The following ABTB1 variants were observed in gnomAD, a reference collection of about 807,000 sequenced individuals.
ABTB1 encodes the protein ankyrin repeat and BTB/POZ domain-containing protein 1.
In ABTB1, 45 loss-of-function variants were observed where a neutral mutation model predicts 57.1. That is an observed-to-expected ratio of 0.79 (90% CI 0.62 to 1.01). The LOEUF is 1.01. ABTB1 is among the 50% of genes least tolerant of loss of function. ABTB1 has a pLI of 0.00. For synonymous variants in ABTB1, 302 were observed against 275.4 expected (o/e 1.10, Z -0.95); for missense variants, 630 against 666.3 (o/e 0.95, Z 0.60).
At position 127,673,031 on chromosome 3, in the gene ABTB1, C is replaced by A; in HGVS notation, c.6C>A (p.Asp2Glu). 6.4e-7 allele frequency: 1 copy of A among 1,570,856 alleles called. No homozygotes were observed. Residue 2 changes from aspartate to glutamate, a missense_variant, in exon 1 of 12, where the codon GAC (aspartate) becomes GAA (glutamate). Physicochemically the swap from Asp to Glu is conservative, Grantham distance 45. Transcript: ENST00000232744. MDTSDLFASCRK... is the reference protein window; with the variant it reads METSDLFASCRK... ...CGGGTACCATCCTCCGCGCCATGGA[C>A]ACCAGCGACCTGTTCGCCAGCTGCA...
At chr3:127,675,872 C>A in intron 3 of ABTB1, 98 bp from the exon 4 acceptor site, 2 of 1,487,702 alleles carry the variant, frequency 1.3e-6, no homozygotes, top group African/African-American at 1.4e-5. Flanking sequence ...GCCAGAGATT[C>A]GGAGCCCCAT....
At chr3:127,673,462 G>A (rs1009038673) in intron 1 of ABTB1, 6 of 165,930 alleles carry the variant, frequency 3.6e-5, no homozygotes, top group Non-Finnish European at 7.8e-5. Flanking sequence ...CCTTTCTCTC[G>A]TGCTCTCTGG....
At chr3:127,675,842 G>A in intron 3 of ABTB1, 128 bp from the exon 4 acceptor site, 1 of 1,306,692 alleles carries the variant, frequency 7.7e-7, no homozygotes. Context: ...AGTGGGCCCA[G>A]GGTAATTTGG....
chr3:127,676,691 C>T lies in ABTB1; in HGVS notation c.526+110C>T. The T allele has an allele frequency of 7.0e-7, 1 of 1,423,050 alleles. No homozygotes were observed. The highest frequency in any genetic ancestry group is 1.4e-5 in the African/African-American group (1 of 70,658). 88.2% of individuals were successfully genotyped at this position (1,423,050 alleles called of 1,614,324 possible). On this transcript the variant is annotated intron_variant, in intron 6 of 11. Transcript: ENST00000232744. The surrounding 1 kb of genome is among the most constrained non-coding windows in gnomAD (Gnocchi z 5.4). ...TTTCACCTCTAGACACTTCATGGTC[C>T]CCCCGGGGTGGTTCCAGCTGCCTCT... is the stretch of plus-strand genomic sequence containing the variant.
intron 3 of ABTB1, among the ~76,000 whole-genome samples, chr3:127,675,249 C>T (rs1423101649): frequency 6.6e-6 from 1 of 150,672 alleles, no homozygotes; most frequent in East Asian, 1.9e-4. Context: ...ATTCTTCTTC[C>T]TATTTTGGTT....
intron 3 of ABTB1, chr3:127,675,723 C>G: frequency 7.1e-6 from 4 of 563,462 alleles, no homozygotes; most frequent in Non-Finnish European, 1.3e-5. Context: ...ACCAAGTCAG[C>G]TCTCCGTTCT....
At position 127,680,819 on chromosome 3, in the gene ABTB1, T is replaced by A. The variant is rs2075118312; in HGVS notation, c.*344T>A. 9.3e-6 allele frequency: 6 copies of A among 642,254 alleles called. No homozygotes were observed. In the South Asian group the frequency reaches 1.1e-4, roughly 12 times the overall value. The allele number at this position is 642,254 out of a possible 1,614,324, so 39.8% of individuals were successfully genotyped here. ...CAAATCCAGTCCTCTGGCCCTTGCCTAGCCCTGAATTGCTTCTCTAAGCTG... is the reference window on the plus strand; with the variant it reads ...CAAATCCAGTCCTCTGGCCCTTGCCAAGCCCTGAATTGCTTCTCTAAGCTG... On this transcript the variant is annotated 3_prime_UTR_variant, in exon 12 of 12. Coordinates refer to ENST00000232744, the MANE Select transcript of ABTB1 (RefSeq NM_172027.3).
In ABTB1 at chr3:127,677,749, C is replaced by A; in HGVS notation, c.935C>A (p.Ala312Glu). 1 of 1,610,990 alleles carries A rather than the reference C, an allele frequency of 6.2e-7. No homozygotes were observed. Among genetic ancestry groups the A allele is most frequent in the East Asian group, 2.2e-5 (1 of 44,820 alleles). Residue 312 changes from alanine to glutamate, a missense_variant, in exon 10 of 12, where the codon GCG becomes GAG. Around this residue, in one of 3 missense-constraint regions of ABTB1, gnomAD observed 579 missense variants for 585.9 expected, o/e 0.99. Transcript: ENST00000232744. ...CACTTCCGAGAGAGCGAGGAGCCAG[C>A]GACCTCAGGGGGCCCCCCAGCCGTC... ...DDHFRESEEP[A>E]TSGGPPAVTL...
At position 127,673,017 on chromosome 3, in the gene ABTB1, C is replaced by T. The variant is rs757473818; in HGVS notation, c.-9C>T. On this transcript the variant is annotated 5_prime_UTR_variant, in exon 1 of 12. Transcript: ENST00000232744. ...GAGGTCGTTCGGCTCGGGTACCATC[C>T]TCCGCGCCATGGACACCAGCGACCT... The T allele has an allele frequency of 6.4e-6, 10 of 1,564,028 alleles. No homozygotes were observed. Among genetic ancestry groups the T allele is most frequent in the South Asian group, 3.5e-5 (3 of 86,044 alleles).
intron 10 of ABTB1, chr3:127,679,607 G>GGAC: frequency 2.1e-6 from 1 of 477,178 alleles, no homozygotes; most frequent in Non-Finnish European, 4.1e-6. Context: ...TATACCTCAT[G>GGAC]GACTGGGAAC....
intron 11 of ABTB1, 26 bp downstream of exon 11, chr3:127,680,211 G>A: frequency 1.2e-6 from 2 of 1,613,332 alleles, no homozygotes; most frequent in Non-Finnish European, 1.7e-6. Context: ...GCAGTGGGTG[G>A]GAAGGAGGGG....
intron 10 of ABTB1, chr3:127,678,597 G>C (rs1204275965): frequency 6.6e-6 from 1 of 152,340 alleles, no homozygotes; most frequent in Non-Finnish European, 1.5e-5. Context: ...ACAGAGATGA[G>C]TGGGTGAGGC....
Position 127,676,338 on chromosome 3 carries a change from T to TCGCTGCGTCCTGGGTGCAC in ABTB1, c.388_406dup (p.Arg136ProfsTer8). On this transcript the variant is annotated frameshift_variant, in exon 5 of 12. Coordinates refer to ENST00000232744, the MANE Select transcript of ABTB1 (RefSeq NM_172027.3). LOFTEE classifies it high-confidence loss of function. This position sits in a 1 kb window ranked among gnomAD's most constrained non-coding sequence, Gnocchi z 5.4. ...TACACGGGAAGCCATTCCGGGTGCA[T>TCGCTGCGTCCTGGGTGCAC]CGCTGCGTCCTGGGTGCACGTAGTG... 6.2e-7 allele frequency: 1 copy of TCGCTGCGTCCTGGGTGCAC among 1,614,106 alleles called. No individual in the cohort carries two copies. The highest frequency in any genetic ancestry group is 8.5e-7 in the Non-Finnish European group (1 of 1,179,996).
In ABTB1 at chr3:127,680,101, G is replaced by A. The variant is rs1363882349; in HGVS notation, c.1146G>A (p.Val382=). Residue 382 remains valine, a synonymous_variant, in exon 11 of 12, where the codon GTG becomes GTA. Transcript: ENST00000232744. ...AGATGCTAGACGAGGACACTGTGGT[G>A]GGTGTGTGGCGCGTGGCCAAGCTCT... The part of the protein sequence containing the change: ...LAQMLDEDTV[V]GVWRVAKLFR... The A allele has an allele frequency of 6.2e-7, 1 of 1,613,808 alleles. No homozygotes were observed. The highest frequency in any genetic ancestry group is 8.5e-7 in the Non-Finnish European group (1 of 1,180,044).
At chr3:127,674,125 G>A (rs1034835512) in intron 1 of ABTB1, 2 of 517,248 alleles carry the variant, frequency 3.9e-6, no homozygotes, top group African/African-American at 3.8e-5. Flanking sequence ...TCCAGCCTCG[G>A]CACTGGCTCT....
Position 127,676,688 on chromosome 3 carries a change from G to T in ABTB1, c.526+107G>T. 2.1e-6 allele frequency: 3 copies of T among 1,447,522 alleles called. No individual in the cohort carries two copies. The highest frequency in any genetic ancestry group is 2.9e-6 in the Non-Finnish European group (3 of 1,042,984). The allele number at this position is 1,447,522 out of a possible 1,614,324, so 89.7% of individuals were successfully genotyped here. A position where few individuals can be genotyped will look rare whatever the true frequency, so the allele number is the denominator to read the frequency against. On this transcript the variant is annotated intron_variant, in intron 6 of 11. Coordinates refer to ENST00000232744, the MANE Select transcript of ABTB1 (RefSeq NM_172027.3). This position sits in a 1 kb window ranked among gnomAD's most constrained non-coding sequence, Gnocchi z 5.4. ...ACCTTTCACCTCTAGACACTTCATG[G>T]TCCCCCCGGGGTGGTTCCAGCTGCC...
At position 127,676,043 on chromosome 3, in the gene ABTB1, G is replaced by T. The variant is rs1281547475; in HGVS notation, c.249G>T (p.Arg83=). The T allele has an allele frequency of 3.7e-6, 6 of 1,613,196 alleles. No individual in the cohort carries two copies. The highest frequency in any genetic ancestry group is 5.1e-6 in the Non-Finnish European group (6 of 1,180,000). ...LYGALSDPIR[R]ALRDYKQVTA... ...GGGCACTGAGTGACCCCATCCGCCG[G>T]GCTCTACGCGATTACAAGCAGGTCA... Residue 83 remains arginine, a synonymous_variant, in exon 4 of 12, where the codon CGG becomes CGT. Coordinates refer to ENST00000232744, the MANE Select transcript of ABTB1 (RefSeq NM_172027.3). The surrounding 1 kb of genome is among the most constrained non-coding windows in gnomAD (Gnocchi z 5.4).
intron 10 of ABTB1, chr3:127,679,317 G>T: frequency 2.9e-6 from 1 of 342,424 alleles, no homozygotes; most frequent in Non-Finnish European, 5.9e-6. Context: ...AAAGGAGGTG[G>T]CATGGCACAT....
chr3:127,679,818 G>T, intron 10 of ABTB1, 167 bp from the exon 11 acceptor site: 1 of 624,580 alleles, frequency 1.6e-6, no homozygotes, highest in Non-Finnish European at 2.8e-6. Context: ...TGGGAATCTG[G>T]GCCAGCCCCC....
Sources: gnomAD v4.1 joint callset for allele counts (sites outside exome capture counted in the v4.1 genomes callset) on GRCh38, gnomAD v4.1.1 for gene constraint, gnomAD v4.1.1 regional missense constraint, Gnocchi (gnomAD v3.1) non-coding constraint, MANE v1.5 for transcripts, NCBI Gene and HGNC (gene_info 2026-07-23, HGNC 2026-07-21) for gene names.